The following NRG1 variants were observed in gnomAD, a reference collection of about 807,000 sequenced individuals.
NRG1 encodes the protein neuregulin 1, also known as pro-neuregulin-1, membrane-bound isoform.
In NRG1, 18 loss-of-function variants were observed where a neutral mutation model predicts 63.8. That is an observed-to-expected ratio of 0.28 (90% CI 0.19 to 0.42). NRG1 has a LOEUF of 0.42. Ranked by LOEUF, NRG1 falls within the 10% of genes least tolerant of loss-of-function variation. NRG1 has a pLI of 1.00. For synonymous variants in NRG1, 302 were observed against 301.3 expected (o/e 1.00, Z -0.02); for missense variants, 762 against 814.7 (o/e 0.94, Z 0.79).
At chr8:32,094,395 T>C (rs1323306116) in intron 1 of NRG1, among the ~76,000 whole-genome samples, 1 of 152,190 alleles carries the variant, frequency 6.6e-6, no homozygotes, top group East Asian at 1.9e-4. Flanking sequence ...TTTTGTGACA[T>C]GCAGTGCTCC....
At chr8:32,609,860 A>G (rs1432353491) in intron 3 of NRG1, among the ~76,000 whole-genome samples, 1 of 151,316 alleles carries the variant, frequency 6.6e-6, no homozygotes. Flanking sequence ...TCTTGTAGAC[A>G]AGGTTTCGCC....
At chr8:32,510,677 T>C (rs934282702) in intron 1 of NRG1, among the ~76,000 whole-genome samples, 1 of 152,008 alleles carries the variant, frequency 6.6e-6, no homozygotes, top group Non-Finnish European at 1.5e-5. Flanking sequence ...ATGTCACTGA[T>C]AACTAAAACA....
intron 1 of NRG1, among the ~76,000 whole-genome samples, chr8:31,822,969 A>G (rs1353795347): frequency 2.0e-5 from 3 of 152,272 alleles, no homozygotes; most frequent in South Asian, 2.1e-4. Flanking sequence ...GACATTTTTT[A>G]AGTGAAAAAT....
chr8:31,767,339 A>T (rs1818171432), intron 1 of NRG1, among the ~76,000 whole-genome samples: 1 of 152,236 alleles, frequency 6.6e-6, no homozygotes, highest in African/African-American at 2.4e-5. Flanking sequence ...GTTATCAGGT[A>T]GTCATTCTGA....
At chr8:32,226,412 T>A (rs1207752402) in intron 1 of NRG1, among the ~76,000 whole-genome samples, 1 of 152,144 alleles carries the variant, frequency 6.6e-6, no homozygotes, top group Non-Finnish European at 1.5e-5. Context: ...ACATTTTGGG[T>A]AACTACTATT....
intron 1 of NRG1, among the ~76,000 whole-genome samples, chr8:32,309,943 G>A (rs777912322): frequency 1.2e-4 from 19 of 152,240 alleles, no homozygotes; most frequent in Non-Finnish European, 2.8e-4. Context: ...CAAGCACAGA[G>A]AGAGGCGTGT....
At chr8:32,609,433 A>G (rs2129540469) in intron 3 of NRG1, among the ~76,000 whole-genome samples, 2 of 152,122 alleles carry the variant, frequency 1.3e-5, no homozygotes, top group Middle Eastern at 3.4e-3. Flanking sequence ...TGAGAGAAAA[A>G]GGGCACTTTC....
At chr8:31,835,554 C>A (rs915436840) in intron 1 of NRG1, among the ~76,000 whole-genome samples, 1 of 152,092 alleles carries the variant, frequency 6.6e-6, no homozygotes, top group Non-Finnish European at 1.5e-5. Context: ...GGTTATCAGA[C>A]CCAGGTGAGT....
chr8:32,386,529 C>T (rs28397751), intron 1 of NRG1, among the ~76,000 whole-genome samples: 2,782 of 152,220 alleles, frequency 0.018, 92 homozygotes, highest in African/African-American at 0.064. Context: ...AAATTTTCAC[C>T]GAGTACCTAT....
chr8:32,518,873 C>T (rs1258758795), intron 1 of NRG1, among the ~76,000 whole-genome samples: 5 of 152,114 alleles, frequency 3.3e-5, no homozygotes, highest in Non-Finnish European at 7.4e-5. Flanking sequence ...AAATCTGGTT[C>T]AGTTAATGGA....
At chr8:32,487,523 G>T (rs1392923267) in intron 1 of NRG1, among the ~76,000 whole-genome samples, 4 of 152,088 alleles carry the variant, frequency 2.6e-5, no homozygotes, top group Non-Finnish European at 5.9e-5. Context: ...TTCCACTAGG[G>T]TGGGCAAGTA....
intron 5 of NRG1, among the ~76,000 whole-genome samples, chr8:32,633,689 T>A (rs1442618027): frequency 6.6e-6 from 1 of 152,184 alleles, no homozygotes; most frequent in Non-Finnish European, 1.5e-5. Context: ...GAAAACTAAA[T>A]CTTCCACTAG....
chr8:32,420,824 C>G (rs1334335662), intron 1 of NRG1, among the ~76,000 whole-genome samples: 1 of 152,082 alleles, frequency 6.6e-6, no homozygotes, highest in African/African-American at 2.4e-5. Flanking sequence ...CCTCATAATC[C>G]CCATGTGTCA....
At chr8:32,504,431 T>G (rs763968069) in intron 1 of NRG1, among the ~76,000 whole-genome samples, 2 of 152,234 alleles carry the variant, frequency 1.3e-5, no homozygotes, top group Admixed American at 1.3e-4. Flanking sequence ...ATATATTTGG[T>G]TATATTTCTG....
intron 1 of NRG1, among the ~76,000 whole-genome samples, chr8:32,088,427 T>TC (rs1828610042): frequency 6.6e-6 from 1 of 152,140 alleles, no homozygotes; most frequent in Non-Finnish European, 1.5e-5. Flanking sequence ...AAGTTGTCCA[T>TC]CATAGTTAAT....
intron 1 of NRG1, among the ~76,000 whole-genome samples, chr8:32,400,778 C>G (rs1277402726): frequency 6.6e-6 from 1 of 152,206 alleles, no homozygotes; most frequent in East Asian, 1.9e-4. Flanking sequence ...CCAGCAATCC[C>G]ATTACTGGGT....
chr8:32,253,880 C>T (rs1302784268), intron 1 of NRG1, among the ~76,000 whole-genome samples: 1 of 152,100 alleles, frequency 6.6e-6, no homozygotes, highest in Non-Finnish European at 1.5e-5. Context: ...TGTTATTGGT[C>T]TATTCAGGGA....
At chr8:32,538,238 G>T (rs1349233593) in intron 1 of NRG1, among the ~76,000 whole-genome samples, 1 of 152,136 alleles carries the variant, frequency 6.6e-6, no homozygotes, top group Admixed American at 6.5e-5. Flanking sequence ...GGCACCCTCT[G>T]AGAGGGAGCC....
intron 1 of NRG1, among the ~76,000 whole-genome samples, chr8:31,767,895 T>C (rs901981305): frequency 4.0e-5 from 6 of 149,910 alleles, no homozygotes; most frequent in Admixed American, 3.3e-4. Context: ...GTAAATGATA[T>C]ATACTTAAAT....
Sources: allele counts gnomAD v4.1 joint callset (sites outside exome capture counted in the v4.1 genomes callset), GRCh38; gene constraint gnomAD v4.1.1; transcripts MANE v1.5; gene names NCBI Gene and HGNC (gene_info 2026-07-23, HGNC 2026-07-21).